Variants in MNAT1 observed in about 807,000 individuals in gnomAD.
MNAT1 encodes MNAT1 component of CDK activating kinase.
In MNAT1, 43 loss-of-function variants were observed where a neutral mutation model predicts 42.0. The ratio of observed to expected loss-of-function variants is 1.02; its 90% CI spans 0.80 to 1.32. The LOEUF (loss-of-function observed/expected upper bound fraction) is 1.32, where lower values mean the gene tolerates loss of function less well. Among genes scored for constraint, MNAT1 ranks in the 40% most tolerant of loss-of-function variants. MNAT1 has a pLI of 0.00. For missense variants in MNAT1, 306 were observed against 350.4 expected (o/e 0.87, Z 1.01); for synonymous variants, 118 against 120.0 (o/e 0.98, Z 0.11).
chr14:60,926,987 T>A (rs2035781109), intron 7 of MNAT1, among the ~76,000 whole-genome samples: 1 of 152,084 alleles, frequency 6.6e-6, no homozygotes, highest in South Asian at 2.1e-4. Flanking sequence ...AGAAATGGAG[T>A]CAAAGACCAA....
intron 6 of MNAT1, among the ~76,000 whole-genome samples, chr14:60,820,253 T>A (rs929167225): frequency 2.0e-5 from 3 of 152,070 alleles, no homozygotes; most frequent in Non-Finnish European, 4.4e-5. Flanking sequence ...TATTGTAAAT[T>A]GAGCATGATG....
At chr14:60,939,939 A>T (rs1443150531) in intron 7 of MNAT1, among the ~76,000 whole-genome samples, 1 of 152,180 alleles carries the variant, frequency 6.6e-6, no homozygotes, top group Non-Finnish European at 1.5e-5. Flanking sequence ...ATATATATTT[A>T]GGATAGTTAG....
At chr14:60,892,429 T>G (rs2034865903) in intron 7 of MNAT1, among the ~76,000 whole-genome samples, 1 of 152,166 alleles carries the variant, frequency 6.6e-6, no homozygotes, top group Admixed American at 6.5e-5. Context: ...TTGTTACTAT[T>G]CGCATGGAAT....
intron 1 of MNAT1, among the ~76,000 whole-genome samples, chr14:60,743,759 G>C (rs1896539203): frequency 6.6e-6 from 1 of 152,156 alleles, no homozygotes; most frequent in African/African-American, 2.4e-5. Context: ...TTGTTCTCTA[G>C]TGTTTCTGTT....
rs1266115635 is a variant in MNAT1 at position 60,734,831 on chromosome 14, C to A, written c.-32C>A. The A allele has an allele frequency of 6.2e-7, 1 of 1,607,362 alleles. No homozygotes were observed. The highest frequency in any genetic ancestry group is 1.1e-5 in the South Asian group (1 of 90,848). Reference sequence around the variant, plus strand: ...TGTAGGTGGCTCTGGCTGAAACAGGCGCCTGCGAGAGTCTGTAGGAGGGAA... The same window carrying A: ...TGTAGGTGGCTCTGGCTGAAACAGGAGCCTGCGAGAGTCTGTAGGAGGGAA... On this transcript the variant is annotated 5_prime_UTR_variant, in exon 1 of 8. Transcript: ENST00000261245. The surrounding 1 kb of genome is among the most constrained non-coding windows in gnomAD (Gnocchi z 4.3).
intron 7 of MNAT1, among the ~76,000 whole-genome samples, chr14:60,885,381 A>G (rs2034642872): frequency 1.3e-5 from 2 of 151,122 alleles, no homozygotes; most frequent in African/African-American, 2.4e-5. Flanking sequence ...ATTGTTTTTT[A>G]TTGTTAATTT....
At chr14:60,822,711 T>C (rs1323453235) in intron 6 of MNAT1, among the ~76,000 whole-genome samples, 2 of 151,840 alleles carry the variant, frequency 1.3e-5, no homozygotes, top group South Asian at 2.1e-4. Context: ...TCGAAAGTGC[T>C]AGGATTACAG....
intron 1 of MNAT1, among the ~76,000 whole-genome samples, chr14:60,736,254 C>A (rs1896305472): frequency 6.7e-6 from 1 of 150,010 alleles, no homozygotes; most frequent in Admixed American, 6.6e-5. Context: ...CTCCATTTTT[C>A]TTTATCAGGT....
intron 7 of MNAT1, among the ~76,000 whole-genome samples, chr14:60,915,331 C>T (rs370095067): frequency 4.3e-4 from 66 of 152,234 alleles, no homozygotes; most frequent in African/African-American, 1.5e-3. Flanking sequence ...TCTCTTAATG[C>T]AATTATATTA....
At chr14:60,808,304 A>G (rs776312738) in intron 3 of MNAT1, 21 bp from the exon 4 acceptor site, 1 of 1,438,182 alleles carries the variant, frequency 7.0e-7, no homozygotes, top group Admixed American at 2.3e-5. Context: ...TTTTCATGTC[A>G]TCGTTTCCTT....
intron 7 of MNAT1, among the ~76,000 whole-genome samples, chr14:60,920,946 G>C (rs1264238108): frequency 6.6e-6 from 1 of 152,128 alleles, no homozygotes; most frequent in African/African-American, 2.4e-5. Context: ...TGGCTTTTGG[G>C]TTAAAGTACT....
intron 7 of MNAT1, among the ~76,000 whole-genome samples, chr14:60,891,233 T>G (rs1178136817): frequency 6.6e-6 from 1 of 152,170 alleles, no homozygotes; most frequent in South Asian, 2.1e-4. Flanking sequence ...TCGTTTTTTC[T>G]TAGTCTGTTT....
chr14:60,917,550 T>C (rs931310341), intron 7 of MNAT1, among the ~76,000 whole-genome samples: 2 of 152,126 alleles, frequency 1.3e-5, no homozygotes, highest in Admixed American at 6.5e-5. Flanking sequence ...ACATGGGACA[T>C]ATGCAACTTG....
intron 6 of MNAT1, among the ~76,000 whole-genome samples, chr14:60,876,651 C>T (rs914675337): frequency 2.0e-5 from 3 of 151,978 alleles, no homozygotes; most frequent in Admixed American, 6.6e-5. Context: ...ACTTTGGAAC[C>T]TTCTATTAGT....
chr14:60,908,088 C>A (rs2035252603), intron 7 of MNAT1, among the ~76,000 whole-genome samples: 1 of 152,020 alleles, frequency 6.6e-6, no homozygotes, highest in South Asian at 2.1e-4. Flanking sequence ...CACTCATTGA[C>A]AAATCTGCAG....
intron 6 of MNAT1, among the ~76,000 whole-genome samples, chr14:60,852,563 G>T (rs1024647072): frequency 2.6e-5 from 4 of 152,152 alleles, no homozygotes; most frequent in African/African-American, 9.7e-5. Context: ...GATCCCATTT[G>T]TCAGTTTTGG....
intron 6 of MNAT1, among the ~76,000 whole-genome samples, chr14:60,849,355 A>T (rs1475514489): frequency 6.6e-6 from 1 of 152,216 alleles, no homozygotes. Flanking sequence ...TGCAAATTTA[A>T]ATTGAATGGT....
At chr14:60,739,351 A>C (rs1410676902) in intron 1 of MNAT1, among the ~76,000 whole-genome samples, 1 of 151,862 alleles carries the variant, frequency 6.6e-6, no homozygotes, top group Non-Finnish European at 1.5e-5. Context: ...TCATTGGGCT[A>C]TCTTGAAGGC....
chr14:60,764,976 C>T (rs1400799571), intron 1 of MNAT1, among the ~76,000 whole-genome samples: 3 of 152,156 alleles, frequency 2.0e-5, no homozygotes, highest in South Asian at 2.1e-4. Flanking sequence ...ATAGGCCAGG[C>T]GCGGTTGCTC....
Sources: gnomAD v4.1 joint callset for allele counts (sites outside exome capture counted in the v4.1 genomes callset) on GRCh38, gnomAD v4.1.1 for gene constraint, Gnocchi (gnomAD v3.1) non-coding constraint, MANE v1.5 for transcripts, NCBI Gene and HGNC (gene_info 2026-07-23, HGNC 2026-07-21) for gene names.